UGT2A2: variants seen among roughly 807,000 people sequenced by gnomAD.
The protein encoded by UGT2A2 is UDP-glucuronosyltransferase 2A2.
UGT2A2 carries 60 observed loss-of-function variants against 50.7 expected under a neutral mutation model. The observed-to-expected ratio is 1.18, with a 90% CI of 0.96 to 1.47. The LOEUF is 1.47. UGT2A2 is among the 40% of genes most tolerant of loss of function. The probability of loss-of-function intolerance (pLI) is 0.00; values close to 1 mark genes in which losing one functional copy is unlikely to be tolerated. For missense variants in UGT2A2, 762 were observed against 634.0 expected (o/e 1.20, Z -2.17); for synonymous variants, 242 against 214.6 (o/e 1.13, Z -1.11).
intron 1 of UGT2A2, among the ~76,000 whole-genome samples, chr4:69,629,746 T>C (rs1016982095): frequency 5.9e-5 from 9 of 152,084 alleles, no homozygotes; most frequent in Non-Finnish European, 1.2e-4. Context: ...CTACCCTTCA[T>C]AGGTCTTTTC....
Position 69,594,630 on chromosome 4 carries a change from T to G in UGT2A2, c.1178A>C (p.His393Pro), listed in dbSNP as rs775741879. ...GGGAACTCCCACCATAGGGACTCCG[T>G]GGTAAATAGCTTCGTAGATCCCATT... ...GTNGIYEAIY[H>P]GVPMVGVPMF... is the part of the protein sequence containing the mutation. The change falls in exon 5 of 6, where the codon CAC becomes CCC. Residue 393 changes from histidine (H) to proline (P), a missense_variant. Transcript: ENST00000604629. The G allele has an allele frequency of 6.2e-7, 1 of 1,614,038 alleles. No homozygotes were observed. Among genetic ancestry groups the G allele is most frequent in the Non-Finnish European group, 8.5e-7 (1 of 1,179,994 alleles).
intron 1 of UGT2A2, among the ~76,000 whole-genome samples, chr4:69,615,737 CA>C (rs1720340619): frequency 6.6e-6 from 1 of 151,784 alleles, no homozygotes; most frequent in Admixed American, 6.6e-5. Flanking sequence ...AACAAACAGA[CA>C]GACAAAAAAA....
At chr4:69,612,266 C>T (rs6600793) in intron 1 of UGT2A2, among the ~76,000 whole-genome samples, 59,976 of 151,724 alleles carry the variant, frequency 0.4, 12,175 homozygotes, top group African/African-American at 0.48. Flanking sequence ...CATATACTAT[C>T]GTGAGTTGGA....
chr4:69,595,013 T>C (rs889851870), intron 4 of UGT2A2, 149 bp downstream of exon 4: 14 of 1,153,190 alleles, frequency 1.2e-5, no homozygotes, highest in African/African-American at 3.1e-5. Context: ...ATAAAATTAA[T>C]GGCCAATTAT....
chr4:69,601,115 T>C (rs1159927594), intron 1 of UGT2A2, among the ~76,000 whole-genome samples: 1 of 152,150 alleles, frequency 6.6e-6, no homozygotes, highest in Non-Finnish European at 1.5e-5. Context: ...GCCAAGCATG[T>C]AGGAGCCAGG....
intron 1 of UGT2A2, among the ~76,000 whole-genome samples, chr4:69,633,020 T>A (rs146618540): frequency 1.7e-3 from 264 of 152,104 alleles, no homozygotes; most frequent in African/African-American, 6.2e-3. Flanking sequence ...AAAGTTGAAA[T>A]GATAAGAGGA....
chr4:69,624,024 C>T (rs572649391), intron 1 of UGT2A2, among the ~76,000 whole-genome samples: 1 of 151,476 alleles, frequency 6.6e-6, no homozygotes, highest in Non-Finnish European at 1.5e-5. Flanking sequence ...AATATGAACT[C>T]TGTTATTTCC....
intron 1 of UGT2A2, among the ~76,000 whole-genome samples, chr4:69,631,196 A>G (rs1721362655): frequency 6.6e-6 from 1 of 152,140 alleles, no homozygotes; most frequent in Non-Finnish European, 1.5e-5. Context: ...TGAATCCTAG[A>G]ATCACAAAGA....
chr4:69,607,373 A>G (rs566602443), intron 1 of UGT2A2, among the ~76,000 whole-genome samples: 5 of 151,580 alleles, frequency 3.3e-5, no homozygotes, highest in African/African-American at 1.2e-4. Context: ...CATATGTAGA[A>G]AGCTGAACCT....
At chr4:69,595,981 A>G (rs533103520) in intron 3 of UGT2A2, among the ~76,000 whole-genome samples, 52 of 152,334 alleles carry the variant, frequency 3.4e-4, no homozygotes, top group African/African-American at 1.3e-3. Flanking sequence ...AAAGGTCAGT[A>G]GGGGCTTAAA....
chr4:69,604,916 T>C lies in UGT2A2; in HGVS notation c.743-5522A>G, dbSNP rs573530009. Among the ~76,000 whole-genome samples the C allele has an allele frequency of 4.1e-4, 56 of 136,512 alleles. 9 individuals carry two copies. Among genetic ancestry groups the C allele is most frequent in the Non-Finnish European group, 6.5e-4 (42 of 64,172 alleles). 89.6% of individuals were successfully genotyped at this position (136,512 alleles called of 152,430 possible). A position where few individuals can be genotyped will look rare whatever the true frequency, so the allele number is the denominator to read the frequency against. On this transcript the variant is annotated intron_variant, in intron 1 of 5. Transcript: ENST00000604629. ...CCCAATACAGGAGCACCCAGATTCA[T>C]AAAGCAAGTCCTTAGAGACCTAGAA...
At chr4:69,592,534 C>T (rs2109875614) in intron 5 of UGT2A2, among the ~76,000 whole-genome samples, 1 of 152,126 alleles carries the variant, frequency 6.6e-6, no homozygotes, top group Non-Finnish European at 1.5e-5. Context: ...GATAGGTGAG[C>T]TGATGATACA....
Position 69,606,928 on chromosome 4 carries a change from C to A in UGT2A2, c.743-7534G>T, listed in dbSNP as rs535267180. ...TCAATGAAATAAAAGAGGATACAAA[C>A]AAATGGAAGAACATTCCATGCTCAT... On this transcript the variant is annotated intron_variant, in intron 1 of 5. Coordinates refer to ENST00000604629, the MANE Select transcript of UGT2A2 (RefSeq NM_001105677.2). 1.3e-4 allele frequency among the ~76,000 whole-genome samples: 18 copies of A among 136,472 alleles called. 1 individual carries two copies. The South Asian group carries it at 4.4e-3, about 33-fold the overall frequency. 89.5% of individuals were successfully genotyped at this position (136,472 alleles called of 152,430 possible).
chr4:69,592,826 G>T (rs1718666586), intron 5 of UGT2A2, among the ~76,000 whole-genome samples: 1 of 151,948 alleles, frequency 6.6e-6, no homozygotes, highest in South Asian at 2.1e-4. Context: ...ATTAATTTCT[G>T]AAAAGAAAAA....
rs1721919216 is a variant in UGT2A2 at position 69,639,360 on chromosome 4, G to A, written c.281C>T (p.Ser94Phe). The change falls in exon 1 of 6, where the codon TCC becomes TTC. Residue 94 changes from serine (S) to phenylalanine (F), a missense_variant. Physicochemically the swap from Ser to Phe is radical, Grantham distance 155 (BLOSUM62 -2). Coordinates refer to ENST00000604629, the MANE Select transcript of UGT2A2 (RefSeq NM_001105677.2). ...CAGCATTATCATATGCTCAATTAAG[G>A]AATCTATATTGCTCTTCTTGTAGGA... ...PVSYKKSNIDSLIEHMIMLWI... is the reference protein window; with the variant it reads ...PVSYKKSNIDFLIEHMIMLWI... 6.2e-7 allele frequency: 1 copy of A among 1,613,524 alleles called. No individual in the cohort carries two copies. Among genetic ancestry groups the A allele is most frequent in the African/African-American group, 1.3e-5 (1 of 74,896 alleles).
chr4:69,612,451 C>T (rs6600794), intron 1 of UGT2A2, among the ~76,000 whole-genome samples: 59,924 of 151,668 alleles, frequency 0.4, 12,158 homozygotes, highest in African/African-American at 0.48. Flanking sequence ...AAGTAAAGAA[C>T]TAAGCCGAAA....
intron 5 of UGT2A2, among the ~76,000 whole-genome samples, chr4:69,590,785 G>A (rs1718553322): frequency 6.6e-6 from 1 of 151,940 alleles, no homozygotes; most frequent in Non-Finnish European, 1.5e-5. Flanking sequence ...AAGAAAGCAT[G>A]TTTTCCTATA....
At chr4:69,623,595 G>A (rs1392494300) in intron 1 of UGT2A2, among the ~76,000 whole-genome samples, 1 of 151,054 alleles carries the variant, frequency 6.6e-6, no homozygotes, top group Admixed American at 6.6e-5. Flanking sequence ...AATGTACAAA[G>A]ACATACAACA....
intron 1 of UGT2A2, among the ~76,000 whole-genome samples, chr4:69,637,479 T>C (rs944044801): frequency 1.3e-5 from 2 of 152,112 alleles, no homozygotes; most frequent in African/African-American, 4.8e-5. Context: ...GTGTATGGCT[T>C]GCCACAGGTC....
Sources: gnomAD v4.1 joint callset for allele counts (sites outside exome capture counted in the v4.1 genomes callset) on GRCh38, gnomAD v4.1.1 for gene constraint, MANE v1.5 for transcripts, NCBI Gene and HGNC (gene_info 2026-07-23, HGNC 2026-07-21) for gene names.